Variants in DSCAML1 observed in about 807,000 individuals in gnomAD.
DSCAML1 encodes cell adhesion molecule DSCAML1.
Under a neutral mutation model 200.5 loss-of-function variants are expected in DSCAML1, and 38 were observed. The observed-to-expected ratio is 0.19, with a 90% CI of 0.15 to 0.25. The LOEUF is 0.25. DSCAML1 is among the 10% of genes least tolerant of loss of function. The pLI, the probability that DSCAML1 is intolerant of heterozygous loss-of-function variation, is 1.00. For missense variants in DSCAML1, 2,223 were observed against 2,858.8 expected (o/e 0.78, Z 5.07); for synonymous variants, 1,215 against 1,165.0 (o/e 1.04, Z -0.87).
At chr11:117,795,449 G>T (rs534025645) in intron 1 of DSCAML1, among the ~76,000 whole-genome samples, 11 of 152,270 alleles carry the variant, frequency 7.2e-5, no homozygotes, top group African/African-American at 2.6e-4. Context: ...GAGGGAGACT[G>T]GGGTTCGGGG....
Position 117,486,464 on chromosome 11 carries a change from G to A in DSCAML1, c.2360-4302C>T, listed in dbSNP as rs200935586. 4.8e-3 allele frequency among the ~76,000 whole-genome samples: 237 copies of A among 49,876 alleles called. 2 individuals carry two copies. The highest frequency in any genetic ancestry group is 0.027 in the South Asian group (43 of 1,600). The allele number at this position is 49,876 out of a possible 152,430, so 32.7% of individuals were successfully genotyped here. A position where few individuals can be genotyped will look rare whatever the true frequency, so the allele number is the denominator to read the frequency against. On this transcript the variant is annotated intron_variant, in intron 11 of 32. Coordinates refer to ENST00000651296, the MANE Select transcript of DSCAML1 (RefSeq NM_020693.4). ...AGTGGCAGATATGAAAGTAGCGGAT[G>A]TGAAAATGGTGGATGTGAAAATGGT... is the stretch of plus-strand genomic sequence containing the variant.
intron 3 of DSCAML1, among the ~76,000 whole-genome samples, chr11:117,763,408 C>T (rs998279330): frequency 2.6e-5 from 4 of 151,222 alleles, no homozygotes; most frequent in Admixed American, 6.6e-5. Flanking sequence ...CTGAGAACAA[C>T]GGGAGACGTG....
chr11:117,530,442 C>T (rs573716062), intron 4 of DSCAML1, among the ~76,000 whole-genome samples: 1 of 152,316 alleles, frequency 6.6e-6, no homozygotes, highest in Admixed American at 6.5e-5. Context: ...GAGGCGAGCC[C>T]TTTGGAAATT....
chr11:117,798,361 A>G (rs530308439), upstream of DSCAML1, among the ~76,000 whole-genome samples: 2 of 152,372 alleles, frequency 1.3e-5, no homozygotes, highest in South Asian at 2.1e-4. Context: ...CTAAGTTCAC[A>G]TGGGAGAATT....
chr11:117,712,838 T>G (rs1375087442), intron 3 of DSCAML1, among the ~76,000 whole-genome samples: 1 of 152,050 alleles, frequency 6.6e-6, no homozygotes, highest in Non-Finnish European at 1.5e-5. Context: ...TTGGGTACCT[T>G]ATGTCTTCCC....
intron 3 of DSCAML1, among the ~76,000 whole-genome samples, chr11:117,568,800 G>A (rs1375247507): frequency 6.6e-6 from 1 of 152,152 alleles, no homozygotes; most frequent in Admixed American, 6.5e-5. Context: ...ACTGCCCAAG[G>A]TAATTTACAG....
chr11:117,789,626 C>A (rs765000556), intron 1 of DSCAML1, among the ~76,000 whole-genome samples: 1 of 152,090 alleles, frequency 6.6e-6, no homozygotes, highest in African/African-American at 2.4e-5. Context: ...CGATGTCATT[C>A]GAGGGTGTAT....
At chr11:117,635,877 G>A (rs1167015275) in intron 3 of DSCAML1, among the ~76,000 whole-genome samples, 2 of 152,132 alleles carry the variant, frequency 1.3e-5, no homozygotes, top group Admixed American at 6.5e-5. Flanking sequence ...TACAGCTGGG[G>A]TTCAGGGGGA....
At chr11:117,734,936 T>G (rs1269602148) in intron 3 of DSCAML1, among the ~76,000 whole-genome samples, 1 of 152,078 alleles carries the variant, frequency 6.6e-6, no homozygotes, top group African/African-American at 2.4e-5. Flanking sequence ...TGGCTGCTGG[T>G]TGGGCCTGTG....
intron 3 of DSCAML1, among the ~76,000 whole-genome samples, chr11:117,699,615 C>T (rs1005476423): frequency 2.0e-5 from 3 of 152,154 alleles, no homozygotes; most frequent in Admixed American, 2.0e-4. Context: ...CACCAAGACC[C>T]GGAGCTCTCA....
In DSCAML1 at chr11:117,431,721, C is replaced by T; in HGVS notation, c.5187G>A (p.Val1729=). The change falls in exon 31 of 33, where the codon GTG becomes GTA. Residue 1729 remains valine (V), a synonymous_variant. Transcript: ENST00000651296. ...GGGCTGACTTCACATTCTTCCTGGACACTGGATCTGCACAGACAGAAGCAA... is the reference window on the plus strand; with the variant it reads ...GGGCTGACTTCACATTCTTCCTGGATACTGGATCTGCACAGACAGAAGCAA... The part of the protein sequence containing the change: ...MSDIRPGTNP[V]SRKNVKSAHS... The T allele has an allele frequency of 1.3e-6, 2 of 1,578,218 alleles. No homozygotes were observed. Among genetic ancestry groups the T allele is most frequent in the East Asian group, 2.3e-5 (1 of 43,804 alleles).
intron 3 of DSCAML1, among the ~76,000 whole-genome samples, chr11:117,599,676 G>A (rs2051428813): frequency 1.3e-5 from 2 of 152,110 alleles, no homozygotes; most frequent in African/African-American, 4.8e-5. Context: ...TCATTAACAT[G>A]GACTCCACTC....
At chr11:117,461,030 G>A (rs1311878533) in intron 18 of DSCAML1, among the ~76,000 whole-genome samples, 11 of 151,390 alleles carry the variant, frequency 7.3e-5, no homozygotes, top group Admixed American at 6.6e-5. Context: ...ATTCCCCACC[G>A]GTCCCTGGCT....
intron 3 of DSCAML1, among the ~76,000 whole-genome samples, chr11:117,539,088 C>T (rs965044945): frequency 6.6e-6 from 1 of 152,114 alleles, no homozygotes; most frequent in African/African-American, 2.4e-5. Context: ...GTACGTGTTT[C>T]CAGAATGAAT....
In DSCAML1 at chr11:117,532,475, C is replaced by T. The variant is rs754760476; in HGVS notation, c.559G>A (p.Val187Ile). 20 of 1,614,072 alleles carry T rather than the reference C, an allele frequency of 1.2e-5. No individual in the cohort carries two copies. Among genetic ancestry groups the T allele is most frequent in the African/African-American group, 2.7e-5 (2 of 74,924 alleles). The change falls in exon 4 of 33, where the codon GTA becomes ATA. Residue 187 changes from valine to isoleucine, a missense_variant. Physicochemically the swap from Val to Ile is conservative, Grantham distance 29. Transcript: ENST00000651296. ...GTGGAGAGGGCGTCCTCCTTCTGTA[C>T]GTCAGAGATGTACAGCCCGCCGTGG... ...TYHGGLYISD[V>I]QKEDALSTYR...
rs950877407 is a variant in DSCAML1, at chr11:117,497,681, A to G, written c.2359+6164T>C. Among the ~76,000 whole-genome samples, 10 of 152,192 alleles carry G rather than the reference A, an allele frequency of 6.6e-5. No homozygotes were observed. The East Asian group carries it at 1.9e-3, about 29-fold the overall frequency. On this transcript the variant is annotated intron_variant, in intron 11 of 32. Coordinates refer to ENST00000651296, the MANE Select transcript of DSCAML1 (RefSeq NM_020693.4). The stretch of plus-strand genomic sequence containing the variant: ...GGTGGGCACTGGGCCCCAGGTTTCC[A>G]GAGGGGACTCCCTAGCTTGGCATGG...
chr11:117,435,669 C>G lies in DSCAML1; in HGVS notation c.4851G>C (p.Lys1617Asn). 6.2e-7 allele frequency: 1 copy of G among 1,603,792 alleles called. No individual in the cohort carries two copies. Residue 1617 changes from lysine (K) to asparagine (N), a missense_variant, in exon 27 of 33, where the codon AAG becomes AAC. Around this residue, in one of 7 missense-constraint regions of DSCAML1, gnomAD observed 614 missense variants for 739.1 expected, o/e 0.83. Coordinates refer to ENST00000651296, the MANE Select transcript of DSCAML1 (RefSeq NM_020693.4). ...CTCGGAGTCGCTTCAGCCGTTTCTC[C>G]TTCCTCTTCTTGCGTACGATGAAGA... ...ALLFIVRKKRKEKRLKRLRDA... is the reference protein window; with the variant it reads ...ALLFIVRKKRNEKRLKRLRDA...
chr11:117,560,883 T>C (rs2050649441), intron 3 of DSCAML1, among the ~76,000 whole-genome samples: 1 of 152,160 alleles, frequency 6.6e-6, no homozygotes, highest in South Asian at 2.1e-4. Flanking sequence ...AATGAGGCAG[T>C]AACAGGAAAT....
At chr11:117,585,775 C>T (rs1591294914) in intron 3 of DSCAML1, among the ~76,000 whole-genome samples, 1 of 152,112 alleles carries the variant, frequency 6.6e-6, no homozygotes, top group Non-Finnish European at 1.5e-5. Flanking sequence ...GAGGAGGAGT[C>T]GCCAGGGCCA....
Sources: allele counts gnomAD v4.1 joint callset (sites outside exome capture counted in the v4.1 genomes callset), GRCh38; gene constraint gnomAD v4.1.1; regional missense constraint gnomAD v4.1.1; transcripts MANE v1.5; gene names NCBI Gene and HGNC (gene_info 2026-07-23, HGNC 2026-07-21).